SLC35F3: variants seen among roughly 807,000 people sequenced by gnomAD.
SLC35F3 encodes putative thiamine transporter SLC35F3.
In SLC35F3, 25 loss-of-function variants were observed where a neutral mutation model predicts 49.9. That is an observed-to-expected ratio of 0.50 (90% CI 0.37 to 0.70). The LOEUF (loss-of-function observed/expected upper bound fraction) is 0.70. Ranked by LOEUF, SLC35F3 falls within the 30% of genes least tolerant of loss-of-function variation. SLC35F3 has a pLI of 0.00. For missense variants in SLC35F3, 525 were observed against 639.8 expected (o/e 0.82, Z 1.94); for synonymous variants, 275 against 265.4 (o/e 1.04, Z -0.35).
chr1:233,917,186 G>C (rs1379390475), intron 2 of SLC35F3, among the ~76,000 whole-genome samples: 1 of 152,110 alleles, frequency 6.6e-6, no homozygotes, highest in South Asian at 2.1e-4. Flanking sequence ...CACAGGTCCC[G>C]TAAATGTCTC....
At chr1:234,026,325 T>A (rs772115012) in intron 2 of SLC35F3, among the ~76,000 whole-genome samples, 3 of 152,196 alleles carry the variant, frequency 2.0e-5, no homozygotes, top group Non-Finnish European at 4.4e-5. Context: ...TTTTTATAGT[T>A]CTGTAAGGAA....
chr1:234,034,737 A>G (rs575022252), intron 2 of SLC35F3, among the ~76,000 whole-genome samples: 1 of 152,194 alleles, frequency 6.6e-6, no homozygotes, highest in Non-Finnish European at 1.5e-5. Context: ...TGGCCAGGCT[A>G]GTCTCGAACT....
intron 2 of SLC35F3, among the ~76,000 whole-genome samples, chr1:234,005,426 A>G (rs1017153338): frequency 4.6e-5 from 7 of 152,150 alleles, no homozygotes; most frequent in Non-Finnish European, 1.0e-4. Context: ...TACTTGGTGG[A>G]TTGTTTCCCT....
intron 2 of SLC35F3, among the ~76,000 whole-genome samples, chr1:234,062,287 C>A (rs1664553531): frequency 6.6e-6 from 1 of 152,074 alleles, no homozygotes; most frequent in Non-Finnish European, 1.5e-5. Context: ...CTGAGTCACC[C>A]TAGGATGACA....
intron 2 of SLC35F3, among the ~76,000 whole-genome samples, chr1:234,009,349 C>T (rs1663678402): frequency 2.0e-5 from 3 of 152,180 alleles, no homozygotes; most frequent in Admixed American, 2.0e-4. Context: ...ATTTATTTCA[C>T]ACTCAAGTTG....
chr1:234,137,114 C>G (rs1343345464), intron 2 of SLC35F3, among the ~76,000 whole-genome samples: 1 of 152,222 alleles, frequency 6.6e-6, no homozygotes, highest in Non-Finnish European at 1.5e-5. Flanking sequence ...CCAAATAACA[C>G]AGGGCCATGT....
intron 3 of SLC35F3, among the ~76,000 whole-genome samples, chr1:234,238,774 T>C (rs1019059924): frequency 6.6e-6 from 1 of 152,214 alleles, no homozygotes; most frequent in Non-Finnish European, 1.5e-5. Flanking sequence ...CATTACCTCT[T>C]GATCTCCTTT....
At chr1:234,256,205 T>C (rs892384718) in intron 3 of SLC35F3, among the ~76,000 whole-genome samples, 1 of 152,206 alleles carries the variant, frequency 6.6e-6, no homozygotes, top group Admixed American at 6.5e-5. Flanking sequence ...TTTCAAAATA[T>C]AGTTTACCAA....
intron 2 of SLC35F3, among the ~76,000 whole-genome samples, chr1:234,088,067 C>A (rs890498400): frequency 6.6e-6 from 1 of 152,226 alleles, no homozygotes; most frequent in Non-Finnish European, 1.5e-5. Flanking sequence ...AATGTAAGCT[C>A]CATGAATGCA....
At chr1:234,171,130 A>G (rs1666394759) in intron 2 of SLC35F3, among the ~76,000 whole-genome samples, 1 of 152,238 alleles carries the variant, frequency 6.6e-6, no homozygotes, top group Non-Finnish European at 1.5e-5. Context: ...AGAACTTGTT[A>G]GAAAGGCACA....
chr1:234,194,797 C>A (rs1283005985), intron 2 of SLC35F3, among the ~76,000 whole-genome samples: 1 of 152,114 alleles, frequency 6.6e-6, no homozygotes, highest in African/African-American at 2.4e-5. Flanking sequence ...TCACCTCCAA[C>A]ACATCCTGGT....
chr1:234,223,344 G>T (rs535636501), intron 2 of SLC35F3, among the ~76,000 whole-genome samples: 3 of 152,138 alleles, frequency 2.0e-5, no homozygotes, highest in Non-Finnish European at 4.4e-5. Context: ...GACTGCTTCA[G>T]AGTAGATCAG....
intron 2 of SLC35F3, among the ~76,000 whole-genome samples, chr1:234,043,371 A>G (rs1664249881): frequency 6.6e-6 from 1 of 152,242 alleles, no homozygotes; most frequent in Non-Finnish European, 1.5e-5. Flanking sequence ...CATTTTAGAA[A>G]CATTCATTAA....
At chr1:233,948,461 C>T (rs1662552571) in intron 2 of SLC35F3, among the ~76,000 whole-genome samples, 1 of 151,198 alleles carries the variant, frequency 6.6e-6, no homozygotes, top group South Asian at 2.1e-4. Context: ...GTGGGTACCA[C>T]AACAGTTAAA....
chr1:234,107,777 G>T lies in SLC35F3; in HGVS notation c.284-123640G>T, dbSNP rs762294971. The stretch of plus-strand genomic sequence containing the variant: ...ATGAGAAAGCATTAAAAGACAGCTC[G>T]CAGAGGCCCTGGTACACAGGAGGTA... On this transcript the variant is annotated intron_variant, in intron 2 of 7. Coordinates refer to ENST00000366618, the MANE Select transcript of SLC35F3 (RefSeq NM_173508.4). Among the ~76,000 whole-genome samples the T allele has an allele frequency of 2.0e-5, 3 of 152,104 alleles. No individual in the cohort carries two copies. The South Asian group carries it at 6.2e-4, about 32-fold the overall frequency.
At chr1:234,111,926 T>C (rs1362807566) in intron 2 of SLC35F3, among the ~76,000 whole-genome samples, 1 of 152,210 alleles carries the variant, frequency 6.6e-6, no homozygotes, top group African/African-American at 2.4e-5. Flanking sequence ...ATCAGGATCC[T>C]GGGGGAGACA....
chr1:233,939,741 C>T (rs1410288455), intron 2 of SLC35F3, among the ~76,000 whole-genome samples: 1 of 152,114 alleles, frequency 6.6e-6, no homozygotes, highest in African/African-American at 2.4e-5. Flanking sequence ...TGGGGAAGAA[C>T]CACTTACAGA....
intron 3 of SLC35F3, among the ~76,000 whole-genome samples, chr1:234,295,616 T>G (rs754913748): frequency 8.9e-4 from 135 of 152,364 alleles, no homozygotes; most frequent in African/African-American, 3.1e-3. Flanking sequence ...ATCCCTGAAA[T>G]GTGGTGTGGG....
intron 2 of SLC35F3, among the ~76,000 whole-genome samples, chr1:233,927,500 ACTT>A (rs1426074573): frequency 6.6e-6 from 1 of 152,134 alleles, no homozygotes; most frequent in Non-Finnish European, 1.5e-5. Flanking sequence ...CACGTGTACT[ACTT>A]AAAAAAATTT....
Sources: allele counts gnomAD v4.1 joint callset (sites outside exome capture counted in the v4.1 genomes callset), GRCh38; gene constraint gnomAD v4.1.1; transcripts MANE v1.5; gene names NCBI Gene and HGNC (gene_info 2026-07-23, HGNC 2026-07-21).